KCNIP1: variants seen among roughly 807,000 people sequenced by gnomAD.
KCNIP1 encodes the protein A-type potassium channel modulatory protein KCNIP1.
A neutral mutation model predicts 33.0 loss-of-function variants in KCNIP1; 18 were observed. The observed-to-expected ratio is 0.55, with a 90% CI of 0.38 to 0.81. KCNIP1 has a LOEUF of 0.81. KCNIP1 is among the 30% of genes least tolerant of loss of function. KCNIP1 has a pLI of 0.00. For missense variants in KCNIP1, 238 were observed against 271.6 expected, an observed-to-expected ratio of 0.88 and a Z score of 0.87; for synonymous variants, 93 against 98.3, an observed-to-expected ratio of 0.95 and a Z score of 0.32.
At chr5:170,661,832 G>A (rs150196256) in intron 1 of KCNIP1, among the ~76,000 whole-genome samples, 1 of 152,288 alleles carries the variant, frequency 6.6e-6, no homozygotes, top group Non-Finnish European at 1.5e-5. Flanking sequence ...ATTGCAACAG[G>A]AATCAGACGC....
intron 1 of KCNIP1, among the ~76,000 whole-genome samples, chr5:170,628,442 G>A (rs190096621): frequency 2.1e-4 from 32 of 152,268 alleles, no homozygotes; most frequent in African/African-American, 7.2e-4. Flanking sequence ...AACAATAAGT[G>A]TTAAAGTCAG....
chr5:170,574,219 A>T (rs918056385), intron 1 of KCNIP1, among the ~76,000 whole-genome samples: 1 of 152,268 alleles, frequency 6.6e-6, no homozygotes, highest in Admixed American at 6.5e-5. Context: ...ACATATAAAG[A>T]AACCAATTTG....
chr5:170,587,615 G>A (rs558659933), intron 1 of KCNIP1, among the ~76,000 whole-genome samples: 68 of 151,974 alleles, frequency 4.5e-4, no homozygotes, highest in African/African-American at 5.8e-4. Context: ...CTTGTCTCAC[G>A]GCCCCTTCCT....
Position 170,401,630 on chromosome 5 carries a change from C to T in KCNIP1, c.88+47666C>T, listed in dbSNP as rs185620928. Among the ~76,000 whole-genome samples the T allele has an allele frequency of 6.2e-4, 95 of 152,090 alleles. 1 individual carries two copies. Among genetic ancestry groups the T allele is most frequent in the Admixed American group, 8.5e-4 (13 of 15,286 alleles). ...TCTTTTAATGAGCCAGGCATGGTGG[C>T]GCATGCCTGTGGTCCCAGCTACTTG... On this transcript the variant is annotated intron_variant, in intron 1 of 7. Coordinates refer to the KCNIP1 transcript ENST00000377360.
chr5:170,440,946 C>A (rs1416828263), intron 1 of KCNIP1, among the ~76,000 whole-genome samples: 2 of 152,158 alleles, frequency 1.3e-5, no homozygotes, highest in African/African-American at 4.8e-5. Context: ...TGGCCCAATG[C>A]CCTGGTTCCC....
At chr5:170,447,696 G>A (rs1007515097) in intron 1 of KCNIP1, among the ~76,000 whole-genome samples, 14 of 152,014 alleles carry the variant, frequency 9.2e-5, no homozygotes, top group Admixed American at 6.5e-4. Flanking sequence ...CTCCTGGCCC[G>A]TAGCCTCTGA....
chr5:170,605,405 T>A (rs1168624391), intron 1 of KCNIP1, among the ~76,000 whole-genome samples: 1 of 152,224 alleles, frequency 6.6e-6, no homozygotes, highest in Non-Finnish European at 1.5e-5. Flanking sequence ...CCCATCTTAA[T>A]TTTTTTACTG....
At chr5:170,524,431 C>G (rs927174301) in intron 1 of KCNIP1, among the ~76,000 whole-genome samples, 1 of 152,238 alleles carries the variant, frequency 6.6e-6, no homozygotes, top group Non-Finnish European at 1.5e-5. Context: ...AATCTTAGCT[C>G]TGTCACTTGC....
At chr5:170,668,824 G>C (rs1761809645) in intron 1 of KCNIP1, among the ~76,000 whole-genome samples, 1 of 152,210 alleles carries the variant, frequency 6.6e-6, no homozygotes, top group African/African-American at 2.4e-5. Flanking sequence ...CCTGCAGTCT[G>C]GCTGGATGGG....
At chr5:170,669,680 A>G (rs1761843250) in intron 1 of KCNIP1, 10 of 983,424 alleles carry the variant, frequency 1.0e-5, no homozygotes, top group Non-Finnish European at 1.2e-5. Context: ...TTTGGCTTTA[A>G]TTAAAGTCTC....
intron 1 of KCNIP1, among the ~76,000 whole-genome samples, chr5:170,598,942 T>TGTGTGTG (rs1758581504): frequency 4.8e-5 from 7 of 146,362 alleles, no homozygotes; most frequent in Admixed American, 1.4e-4. Flanking sequence ...TGTGTGTGTG[T>TGTGTGTG]TTGGTGGGGT....
At chr5:170,636,572 C>A (rs1382178611) in intron 1 of KCNIP1, among the ~76,000 whole-genome samples, 1 of 152,156 alleles carries the variant, frequency 6.6e-6, no homozygotes. Context: ...TATGACACGG[C>A]CACGCTTCCT....
chr5:170,468,075 T>C (rs951217857), intron 1 of KCNIP1, among the ~76,000 whole-genome samples: 1 of 152,216 alleles, frequency 6.6e-6, no homozygotes, highest in African/African-American at 2.4e-5. Flanking sequence ...GAACTTTTCC[T>C]TCTAATATAA....
intron 1 of KCNIP1, among the ~76,000 whole-genome samples, chr5:170,547,387 A>C (rs1756453990): frequency 6.6e-6 from 1 of 152,084 alleles, no homozygotes; most frequent in Non-Finnish European, 1.5e-5. Flanking sequence ...CTTTTATTTT[A>C]AGTTTAGGGG....
chr5:170,572,971 G>A (rs1185245411), intron 1 of KCNIP1, among the ~76,000 whole-genome samples: 1 of 152,192 alleles, frequency 6.6e-6, no homozygotes, highest in Non-Finnish European at 1.5e-5. Flanking sequence ...TTATATTTGG[G>A]AAGGAGCCTT....
intron 1 of KCNIP1, among the ~76,000 whole-genome samples, chr5:170,654,562 AAG>A (rs1226026169): frequency 6.6e-6 from 1 of 152,202 alleles, no homozygotes; most frequent in Non-Finnish European, 1.5e-5. Context: ...ATGAGGGTAA[AAG>A]ATATTACTTA....
intron 1 of KCNIP1, among the ~76,000 whole-genome samples, chr5:170,585,101 C>A (rs1757938746): frequency 6.6e-6 from 1 of 151,870 alleles, no homozygotes; most frequent in Non-Finnish European, 1.5e-5. Context: ...GAGGGTCACA[C>A]AGCTAAGAAG....
At chr5:170,681,427 C>T (rs1023691849) in intron 1 of KCNIP1, 9 of 311,910 alleles carry the variant, frequency 2.9e-5, no homozygotes, top group Non-Finnish European at 5.2e-5. Flanking sequence ...CCTGCTCCGG[C>T]CCTATGAGCA....
intron 1 of KCNIP1, among the ~76,000 whole-genome samples, chr5:170,570,998 A>G (rs1179881382): frequency 1.3e-5 from 2 of 152,228 alleles, no homozygotes; most frequent in Admixed American, 6.5e-5. Flanking sequence ...CCCAAAGCCA[A>G]TCAAAAAGTA....
Sources: allele counts gnomAD v4.1 joint callset (sites outside exome capture counted in the v4.1 genomes callset), GRCh38; gene constraint gnomAD v4.1.1; transcripts MANE v1.5; gene names NCBI Gene and HGNC (gene_info 2026-07-23, HGNC 2026-07-21).